TTLL11: variants seen among roughly 807,000 people sequenced by gnomAD.
TTLL11 encodes tubulin tyrosine ligase like 11.
Under a neutral mutation model 51.7 loss-of-function variants are expected in TTLL11, and 42 were observed. The observed-to-expected ratio is 0.81, with a 90% CI of 0.64 to 1.05. TTLL11 has a LOEUF of 1.05. Among genes scored for constraint, TTLL11 ranks in the 50% least tolerant of loss-of-function variants. TTLL11 has a pLI of 0.00. For synonymous variants in TTLL11, 381 were observed against 383.5 expected, an observed-to-expected ratio of 0.99 and a Z score of 0.08; for missense variants, 799 against 940.4, an observed-to-expected ratio of 0.85 and a Z score of 1.97.
At chr9:122,081,472 G>A (rs1846004102) in intron 1 of TTLL11, among the ~76,000 whole-genome samples, 3 of 152,228 alleles carry the variant, frequency 2.0e-5, no homozygotes, top group African/African-American at 4.8e-5. Flanking sequence ...ATCTATAGAT[G>A]CAGGGACATC....
In TTLL11 at chr9:121,939,805, G is replaced by C. The variant is rs181679145; in HGVS notation, c.1481+34204C>G. 2.6e-5 allele frequency among the ~76,000 whole-genome samples: 4 copies of C among 152,306 alleles called. No individual in the cohort carries two copies. The East Asian group carries it at 7.7e-4, about 29-fold the overall frequency. Reference sequence around the variant, plus strand: ...CCATTTCCTGCACCCAGCCCAGCCTGCAGACAGCAGGTAAGGCACCTCCGC... The same window carrying C: ...CCATTTCCTGCACCCAGCCCAGCCTCCAGACAGCAGGTAAGGCACCTCCGC... On this transcript the variant is annotated intron_variant, in intron 6 of 8. Transcript: ENST00000321582.
At chr9:121,938,825 G>A (rs1369567726) in intron 6 of TTLL11, among the ~76,000 whole-genome samples, 1 of 152,172 alleles carries the variant, frequency 6.6e-6, no homozygotes, top group African/African-American at 2.4e-5. Flanking sequence ...AGTTGGCAAT[G>A]GAAATGCTCA....
At chr9:122,092,514 T>TG (rs1428550155) in intron 1 of TTLL11, among the ~76,000 whole-genome samples, 173 bp downstream of exon 1, 1 of 152,014 alleles carries the variant, frequency 6.6e-6, no homozygotes. Context: ...GAAGTGATTT[T>TG]GGGGGGTAGG....
chr9:122,001,461 G>A (rs1351371399), intron 3 of TTLL11, among the ~76,000 whole-genome samples: 1 of 142,470 alleles, frequency 7.0e-6, no homozygotes, highest in African/African-American at 2.6e-5. Context: ...AAAGCCAGGT[G>A]ACCTGCAGAT....
At chr9:121,939,697 A>T (rs573825774) in intron 6 of TTLL11, among the ~76,000 whole-genome samples, 1 of 152,264 alleles carries the variant, frequency 6.6e-6, no homozygotes, top group African/African-American at 2.4e-5. Flanking sequence ...TTTCATAATA[A>T]TTTTTTTGTA....
intron 6 of TTLL11, among the ~76,000 whole-genome samples, chr9:121,945,753 T>G (rs1436622031): frequency 6.6e-6 from 1 of 152,176 alleles, no homozygotes; most frequent in Non-Finnish European, 1.5e-5. Flanking sequence ...AATGTCCATG[T>G]CCCTTAAAGA....
At chr9:121,883,167 G>T (rs778274038) in intron 6 of TTLL11, among the ~76,000 whole-genome samples, 9 of 152,102 alleles carry the variant, frequency 5.9e-5, no homozygotes, top group African/African-American at 2.2e-4. Flanking sequence ...ATAATTTATG[G>T]TGATGAGAAT....
intron 6 of TTLL11, among the ~76,000 whole-genome samples, chr9:121,932,768 C>T (rs189248908): frequency 2.0e-5 from 3 of 152,128 alleles, no homozygotes; most frequent in Admixed American, 1.3e-4. Context: ...TGAGTTTATA[C>T]TTCAAGAGGA....
Position 121,853,500 on chromosome 9 carries a change from GGAGT to G in TTLL11, c.1840+6833_1840+6836del, listed in dbSNP as rs910031847. Among the ~76,000 whole-genome samples, 4 of 152,084 alleles carry G rather than the reference GGAGT, an allele frequency of 2.6e-5. No individual in the cohort carries two copies. The highest frequency in any genetic ancestry group is 2.1e-4 in the South Asian group (1 of 4,818). ...CCTGAGGGGGCCGGCCATTCTGGCT[GGAGT>G]GAGTGTGAGGCTAGTGATGAGTGGG... On this transcript the variant is annotated intron_variant, in intron 8 of 8. Coordinates refer to ENST00000321582, the MANE Select transcript of TTLL11 (RefSeq NM_001139442.2). The surrounding 1 kb of genome is among the most constrained non-coding windows in gnomAD (Gnocchi z 5.6).
intron 3 of TTLL11, among the ~76,000 whole-genome samples, chr9:122,002,944 C>CAAAAAAAAAAAAAAAAAAAAAAAAAAA (rs547408355): frequency 1.1e-4 from 7 of 61,236 alleles, no homozygotes; most frequent in Admixed American, 4.3e-4. Context: ...GACTCTGTCT[C>CAAAAAAAAAAAAAAAAAAAAAAAAAAA]AAAAAAAAAA....
At position 121,847,128 on chromosome 9, in the gene TTLL11, T is replaced by G. The variant is rs1179985839; in HGVS notation, c.1840+13209A>C. On this transcript the variant is annotated intron_variant, in intron 8 of 8. Coordinates refer to ENST00000321582, the MANE Select transcript of TTLL11 (RefSeq NM_001139442.2). Reference sequence around the variant, plus strand: ...GGGAGGCTGAGGCAGAAGAATGGCGTGAACCCGGGAGGCGGAGCTTGCCGT... The same window carrying G: ...GGGAGGCTGAGGCAGAAGAATGGCGGGAACCCGGGAGGCGGAGCTTGCCGT... 3.4e-5 allele frequency among the ~76,000 whole-genome samples: 5 copies of G among 148,086 alleles called. 1 individual carries two copies. In the South Asian group the frequency reaches 8.4e-4, roughly 25 times the overall value.
intron 1 of TTLL11, among the ~76,000 whole-genome samples, chr9:122,058,142 G>A (rs576949414): frequency 4.6e-5 from 7 of 152,364 alleles, no homozygotes; most frequent in African/African-American, 1.7e-4. Flanking sequence ...CAGGAAAGTG[G>A]TGTGGGCACG....
intron 7 of TTLL11, among the ~76,000 whole-genome samples, chr9:121,863,217 C>T (rs141511514): frequency 2.8e-4 from 42 of 152,316 alleles, no homozygotes; most frequent in Non-Finnish European, 4.9e-4. Flanking sequence ...GAGGTTTTCA[C>T]GTCACTTGTC....
intron 8 of TTLL11, among the ~76,000 whole-genome samples, chr9:121,832,117 G>A (rs1423297589): frequency 6.6e-6 from 1 of 151,992 alleles, no homozygotes; most frequent in Non-Finnish European, 1.5e-5. Context: ...TTCCTTAGAG[G>A]CTCCATCTCC....
chr9:121,954,137 T>C (rs1392703458), intron 6 of TTLL11, among the ~76,000 whole-genome samples: 2 of 152,192 alleles, frequency 1.3e-5, no homozygotes, highest in Admixed American at 1.3e-4. Context: ...AACCCGGGTC[T>C]CCCAACACTA....
At chr9:121,939,867 A>G (rs1841377693) in intron 6 of TTLL11, among the ~76,000 whole-genome samples, 1 of 152,162 alleles carries the variant, frequency 6.6e-6, no homozygotes, top group Non-Finnish European at 1.5e-5. Context: ...TCCAGGCTTC[A>G]GCTGCTTGTA....
rs559535297 is a variant in TTLL11 at position 121,930,557 on chromosome 9, C to T, written c.1481+43452G>A. Among the ~76,000 whole-genome samples, 5 of 152,360 alleles carry T rather than the reference C, an allele frequency of 3.3e-5. No homozygotes were observed. The South Asian group carries it at 1.0e-3, about 32-fold the overall frequency. ...CCACAGCAATCAGCACCTGAGAATG[C>T]TCGTCCTCCCAGATTACCTGCTGCA... is the stretch of plus-strand genomic sequence containing the variant. On this transcript the variant is annotated intron_variant, in intron 6 of 8. Transcript: ENST00000321582.
chr9:121,837,079 C>T (rs914506759), intron 8 of TTLL11, among the ~76,000 whole-genome samples: 4 of 152,046 alleles, frequency 2.6e-5, no homozygotes, highest in South Asian at 2.1e-4. Flanking sequence ...GACGCTTCTC[C>T]GTGTCAGCAT....
chr9:122,038,424 C>T (rs1338063909), intron 2 of TTLL11, among the ~76,000 whole-genome samples: 7 of 152,034 alleles, frequency 4.6e-5, no homozygotes, highest in African/African-American at 1.7e-4. Context: ...GCAGGTGGGT[C>T]ACTTGAGGTC....
Sources: gnomAD v4.1 joint callset for allele counts (sites outside exome capture counted in the v4.1 genomes callset) on GRCh38, gnomAD v4.1.1 for gene constraint, Gnocchi (gnomAD v3.1) non-coding constraint, MANE v1.5 for transcripts, NCBI Gene and HGNC (gene_info 2026-07-23, HGNC 2026-07-21) for gene names.